Variants in MAP3K1 observed in about 807,000 individuals in gnomAD.
MAP3K1 encodes the protein MAP/ERK kinase kinase 1.
In MAP3K1, 36 loss-of-function variants were observed where a neutral mutation model predicts 144.2. The ratio of observed to expected loss-of-function variants is 0.25; its 90% confidence interval spans 0.19 to 0.33. The LOEUF (loss-of-function observed/expected upper bound fraction) is 0.33, where lower values mean the gene tolerates loss of function less well. Ranked by LOEUF, MAP3K1 falls within the 10% of genes least tolerant of loss-of-function variation. The pLI, the probability that MAP3K1 is intolerant of heterozygous loss-of-function variation, is 1.00. For missense variants in MAP3K1, 1,650 were observed against 1,881.9 expected (o/e 0.88, Z 2.28); for synonymous variants, 718 against 688.7 (o/e 1.04, Z -0.67).
At chr5:56,886,128 G>A in intron 17 of MAP3K1, 65 bp downstream of exon 17, 1 of 1,334,292 alleles carries the variant, frequency 7.5e-7, no homozygotes, top group Non-Finnish European at 1.1e-6. Context: ...TTGGGGCCAG[G>A]CACAGTGGCT....
chr5:56,854,066 A>G (rs1441463806), intron 1 of MAP3K1, among the ~76,000 whole-genome samples: 1 of 152,202 alleles, frequency 6.6e-6, no homozygotes, highest in Non-Finnish European at 1.5e-5. Context: ...CATATTTTTT[A>G]GAAGATTATT....
chr5:56,850,582 A>G (rs371640042), intron 1 of MAP3K1, among the ~76,000 whole-genome samples: 4 of 152,210 alleles, frequency 2.6e-5, no homozygotes, highest in African/African-American at 7.2e-5. Context: ...GACTTCTTGT[A>G]AAAACAAACT....
intron 1 of MAP3K1, among the ~76,000 whole-genome samples, chr5:56,834,894 C>T (rs1746600185): frequency 6.6e-6 from 1 of 151,808 alleles, no homozygotes; most frequent in Non-Finnish European, 1.5e-5. Context: ...AAATAAGATA[C>T]TTAATTTTAG....
At position 56,844,088 on chromosome 5, in the gene MAP3K1, C is replaced by G. The variant is rs374455968; in HGVS notation, c.483-12512C>G. On this transcript the variant is annotated intron_variant, in intron 1 of 19. Transcript: ENST00000399503. ...GGTCTTATTAGAGGCTCTGTGCTGT[C>G]CTGTGATAAATAAAGCCAACTAACT... is the stretch of plus-strand genomic sequence containing the variant. Among the ~76,000 whole-genome samples the G allele has an allele frequency of 1.7e-4, 26 of 151,674 alleles. No individual in the cohort carries two copies. In the East Asian group the frequency reaches 4.6e-3, roughly 27 times the overall value.
chr5:56,840,741 T>C (rs10471993), intron 1 of MAP3K1, among the ~76,000 whole-genome samples: 2,236 of 152,266 alleles, frequency 0.015, 64 homozygotes, highest in African/African-American at 0.051. Context: ...AGAATTCACA[T>C]TGGGACGTAA....
rs144123213 is a variant in MAP3K1 at position 56,895,283 on chromosome 5, G to T, written c.*1603G>T. 114 of 231,878 alleles carry T rather than the reference G, an allele frequency of 4.9e-4. 2 individuals are homozygous for T. In the East Asian group the frequency reaches 6.2e-3, roughly 13 times the overall value. 14.4% of individuals were successfully genotyped at this position (231,878 alleles called of 1,614,324 possible). On this transcript the variant is annotated 3_prime_UTR_variant, in exon 20 of 20. Coordinates refer to ENST00000399503, the MANE Select transcript of MAP3K1 (RefSeq NM_005921.2). ...CATTCCTTTGTTTTGGAAGATTGGCGATATTTGAAGAGTTAAAAATAGTAC... is the reference window on the plus strand; with the variant it reads ...CATTCCTTTGTTTTGGAAGATTGGCTATATTTGAAGAGTTAAAAATAGTAC...
intron 3 of MAP3K1, among the ~76,000 whole-genome samples, chr5:56,863,529 T>A (rs369416845): frequency 6.6e-6 from 1 of 152,262 alleles, no homozygotes; most frequent in African/African-American, 2.4e-5. Flanking sequence ...TACCACATTT[T>A]GTTTATCTAT....
intron 19 of MAP3K1, among the ~76,000 whole-genome samples, chr5:56,888,681 C>CT (rs919550984): frequency 3.9e-5 from 6 of 152,200 alleles, no homozygotes; most frequent in African/African-American, 1.2e-4. Flanking sequence ...ACAACCAATA[C>CT]TCTATAGTGG....
At chr5:56,824,926 G>A (rs1183201380) in intron 1 of MAP3K1, among the ~76,000 whole-genome samples, 1 of 151,340 alleles carries the variant, frequency 6.6e-6, no homozygotes, top group Non-Finnish European at 1.5e-5. Flanking sequence ...GATCTTTTCC[G>A]GTTTTTTAAA....
At chr5:56,825,794 G>C (rs964964199) in intron 1 of MAP3K1, among the ~76,000 whole-genome samples, 6 of 152,088 alleles carry the variant, frequency 3.9e-5, no homozygotes, top group African/African-American at 1.4e-4. Context: ...TCAGGCCACT[G>C]TCAACCCACT....
chr5:56,892,248 C>A (rs932706560), intron 19 of MAP3K1, among the ~76,000 whole-genome samples: 2 of 152,172 alleles, frequency 1.3e-5, no homozygotes, highest in African/African-American at 4.8e-5. Flanking sequence ...TCCTTCACAT[C>A]CCTTGTAAGT....
intron 6 of MAP3K1, 48 bp from the exon 7 acceptor site, chr5:56,871,854 TCCGTTCTA>T: frequency 1.3e-6 from 2 of 1,556,724 alleles, no homozygotes; most frequent in Non-Finnish European, 8.9e-7. Context: ...TTTTAGCATA[TCCGTTCTA>T]CTTTATATTC....
intron 1 of MAP3K1, among the ~76,000 whole-genome samples, chr5:56,839,974 G>A (rs1746763333): frequency 1.3e-5 from 2 of 152,148 alleles, no homozygotes; most frequent in African/African-American, 4.8e-5. Context: ...AGTGTTTGGG[G>A]TCTCTAGAAG....
At chr5:56,870,238 A>T (rs554764185) in intron 6 of MAP3K1, among the ~76,000 whole-genome samples, 2 of 152,276 alleles carry the variant, frequency 1.3e-5, no homozygotes, top group Admixed American at 1.3e-4. Flanking sequence ...AAATTTATAG[A>T]TGTTGTAAGT....
chr5:56,858,989 T>TCTG (rs917487302), intron 2 of MAP3K1, among the ~76,000 whole-genome samples: 1 of 150,274 alleles, frequency 6.7e-6, no homozygotes, highest in Admixed American at 6.7e-5. Flanking sequence ...TCCAGAAAGG[T>TCTG]CTGCTGAGCT....
At position 56,881,991 on chromosome 5, in the gene MAP3K1, C is replaced by T. The variant is rs999288572; in HGVS notation, c.2791C>T (p.Leu931=). 1 of 1,611,534 alleles carries T rather than the reference C, an allele frequency of 6.2e-7. No homozygotes were observed. The highest frequency in any genetic ancestry group is 1.7e-5 in the Admixed American group (1 of 59,608). ...SASSEDISER[L]ASISVGPSSS... ...CAGTTCAGAGGACATTTCTGAGAGA[C>T]TGGCCAGCATTTCAGTAGGACCTTC... Residue 931 remains leucine (L), a synonymous_variant, in exon 14 of 20, where the codon CTG becomes TTG. Transcript: ENST00000399503.
At chr5:56,820,974 T>A (rs1347215202) in intron 1 of MAP3K1, among the ~76,000 whole-genome samples, 1 of 152,238 alleles carries the variant, frequency 6.6e-6, no homozygotes, top group Non-Finnish European at 1.5e-5. Flanking sequence ...TTTTTTTTTC[T>A]TCCAAGGGAA....
chr5:56,881,026 T>G, intron 12 of MAP3K1, 57 bp from the exon 13 acceptor site: 5 of 1,416,884 alleles, frequency 3.5e-6, no homozygotes, highest in Non-Finnish European at 4.9e-6. Context: ...TCATGTCTTG[T>G]TTTAGATTTT....
chr5:56,881,141 T>G lies in MAP3K1; in HGVS notation c.2238T>G (p.Thr746=). The G allele has an allele frequency of 6.2e-7, 1 of 1,613,918 alleles. No individual in the cohort carries two copies. The highest frequency in any genetic ancestry group is 8.5e-7 in the Non-Finnish European group (1 of 1,179,914). The stretch of plus-strand genomic sequence containing the variant: ...TAAATTGTATTCTTGGAAACCAAAC[T>G]GAATCAAACAATTGGCAAGAACTTC... ...YVLNCILGNQ[T]ESNNWQELLG... is the part of the protein sequence containing the mutation. The change falls in exon 13 of 20, where the codon ACT becomes ACG. Residue 746 remains threonine (T), a synonymous_variant. Coordinates refer to ENST00000399503, the MANE Select transcript of MAP3K1 (RefSeq NM_005921.2).
Sources: gnomAD v4.1 joint callset for allele counts (sites outside exome capture counted in the v4.1 genomes callset) on GRCh38, gnomAD v4.1.1 for gene constraint, MANE v1.5 for transcripts, NCBI Gene and HGNC (gene_info 2026-07-23, HGNC 2026-07-21) for gene names.